Variants in TENM1 observed in about 807,000 individuals in gnomAD.
TENM1 encodes the protein teneurin-1.
TENM1 carries 35 observed loss-of-function variants against 174.8 expected under a neutral mutation model. The observed-to-expected ratio is 0.20, with a 90% CI of 0.15 to 0.27. TENM1 has a LOEUF of 0.27. Among genes scored for constraint, TENM1 ranks in the 10% least tolerant of loss-of-function variants. The pLI, the probability that TENM1 is intolerant of heterozygous loss-of-function variation, is 1.00. For synonymous variants in TENM1, 781 were observed against 798.7 expected, an observed-to-expected ratio of 0.98 and a Z score of 0.37; for missense variants, 1,633 against 2,130.1, an observed-to-expected ratio of 0.77 and a Z score of 4.59.
intron 3 of TENM1, among the ~76,000 whole-genome samples, chrX:124,764,952 T>C (rs1488248726): frequency 1.8e-5 from 2 of 110,802 alleles, no homozygotes; most frequent in African/African-American, 6.6e-5. Context: ...TTTCATCCCA[T>C]ATTGTTTGCA....
intron 3 of TENM1, among the ~76,000 whole-genome samples, chrX:124,767,824 G>A (rs963440068): frequency 1.5e-4 from 17 of 110,837 alleles, no homozygotes; most frequent in Non-Finnish European, 2.8e-4. Flanking sequence ...CTAAATGTTA[G>A]AATTTTCTCT....
the TENM1 span, among the ~76,000 whole-genome samples, chrX:125,051,373 C>T: frequency 4.6e-5 from 5 of 109,483 alleles, no homozygotes; most frequent in Admixed American, 9.7e-5. Context: ...CAAAAAAGAG[C>T]CCGCATCGCC....
intron 14 of TENM1, among the ~76,000 whole-genome samples, chrX:124,553,623 T>TAAAA (rs767529045): frequency 1.3e-5 from 1 of 79,080 alleles, no homozygotes; most frequent in Non-Finnish European, 2.5e-5. Context: ...ATCTTGCCTT[T>TAAAA]AAAAAAAAAA....
intron 18 of TENM1, among the ~76,000 whole-genome samples, chrX:124,514,294 GA>G (rs1359776169): frequency 9.3e-6 from 1 of 107,805 alleles, no homozygotes; most frequent in East Asian, 2.8e-4. Context: ...CACAATTTAA[GA>G]AAAAAAGCAA....
At chrX:125,121,392 A>G in the TENM1 span, among the ~76,000 whole-genome samples, 1 of 112,174 alleles carries the variant, frequency 8.9e-6, no homozygotes, top group Admixed American at 9.5e-5. Context: ...TTGTTGGCTG[A>G]ATGGTCACCA....
At chrX:124,767,065 A>G (rs1038290336) in intron 3 of TENM1, among the ~76,000 whole-genome samples, 15 of 111,620 alleles carry the variant, frequency 1.3e-4, no homozygotes, top group African/African-American at 4.5e-4. Context: ...TAGGGCCTAT[A>G]AACCCCAGCA....
At chrX:124,957,266 T>C (rs748230086) in intron 1 of TENM1, among the ~76,000 whole-genome samples, 1 of 108,362 alleles carries the variant, frequency 9.2e-6, no homozygotes, top group Non-Finnish European at 1.9e-5. Flanking sequence ...TTTGCTTCCA[T>C]GTAATCTTGG....
At chrX:124,510,775 TAC>T (rs755205162) in intron 18 of TENM1, among the ~76,000 whole-genome samples, 2 of 103,537 alleles carry the variant, frequency 1.9e-5, no homozygotes, top group African/African-American at 7.1e-5. Context: ...CATGGGGAGA[TAC>T]ACACACACAC....
intron 22 of TENM1, among the ~76,000 whole-genome samples, chrX:124,458,555 C>T (rs1018725574): frequency 1.8e-5 from 2 of 112,333 alleles, no homozygotes; most frequent in Non-Finnish European, 3.8e-5. Context: ...CTAGTATATT[C>T]TACATAGTAA....
At chrX:124,496,630 T>C (rs190434020) in intron 20 of TENM1, among the ~76,000 whole-genome samples, 27 of 111,902 alleles carry the variant, frequency 2.4e-4, no homozygotes, top group Non-Finnish European at 4.5e-4. Flanking sequence ...CTTATGAAGT[T>C]TAGCCTTTTG....
At chrX:125,080,686 T>C in the TENM1 span, among the ~76,000 whole-genome samples, 115 of 111,162 alleles carry the variant, frequency 1.0e-3, no homozygotes, top group African/African-American at 3.5e-3. Flanking sequence ...AACTTTTTAC[T>C]GCCTTTCTGG....
intron 11 of TENM1, among the ~76,000 whole-genome samples, chrX:124,578,255 G>A (rs2049219576): frequency 8.9e-6 from 1 of 111,752 alleles, no homozygotes; most frequent in African/African-American, 3.3e-5. Flanking sequence ...TTAATATCGT[G>A]ATAATAGTCC....
the TENM1 span, among the ~76,000 whole-genome samples, chrX:125,044,050 A>G: frequency 7.8e-5 from 3 of 38,388 alleles, no homozygotes; most frequent in Admixed American, 3.2e-4. Flanking sequence ...GCATTGGGAG[A>G]TATACCTAAT....
the TENM1 span, among the ~76,000 whole-genome samples, chrX:125,154,533 T>G: frequency 9.0e-6 from 1 of 111,634 alleles, no homozygotes; most frequent in Non-Finnish European, 1.9e-5. Flanking sequence ...CCCCTTAATA[T>G]TATTATTCAA....
At chrX:125,021,937 G>GTGTCA in the TENM1 span, among the ~76,000 whole-genome samples, 1 of 112,839 alleles carries the variant, frequency 8.9e-6, no homozygotes, top group Non-Finnish European at 1.9e-5. Flanking sequence ...ATACTTTTAA[G>GTGTCA]TGTCAGAAAT....
the TENM1 span, among the ~76,000 whole-genome samples, chrX:125,169,202 T>C: frequency 9.0e-6 from 1 of 111,455 alleles, no homozygotes; most frequent in Non-Finnish European, 1.9e-5. Flanking sequence ...TGTTTACTAC[T>C]GAGAAAGTAA....
intron 1 of TENM1, among the ~76,000 whole-genome samples, chrX:124,954,816 T>C (rs1432121906): frequency 8.9e-6 from 1 of 111,864 alleles, no homozygotes; most frequent in Non-Finnish European, 1.9e-5. Flanking sequence ...CATCTACAGT[T>C]CCACCTCACC....
intron 23 of TENM1, among the ~76,000 whole-genome samples, chrX:124,426,226 C>G (rs746696912): frequency 1.0e-3 from 117 of 111,627 alleles, no homozygotes; most frequent in African/African-American, 3.7e-3. Context: ...ACACCATTCC[C>G]CACCCTACCA....
the TENM1 span, among the ~76,000 whole-genome samples, chrX:125,173,434 T>A: frequency 9.0e-6 from 1 of 111,168 alleles, no homozygotes; most frequent in Non-Finnish European, 1.9e-5. Context: ...TTGGAGCTTA[T>A]TCATTAATTC....
Sources: allele counts gnomAD v4.1 joint callset (sites outside exome capture counted in the v4.1 genomes callset), GRCh38; gene constraint gnomAD v4.1.1; transcripts MANE v1.5; gene names NCBI Gene and HGNC (gene_info 2026-07-23, HGNC 2026-07-21).